Variants in ATP1A1 observed in about 807,000 individuals in gnomAD.
ATP1A1 encodes the protein ATPase Na+/K+ transporting subunit alpha 1, also known as sodium/potassium-transporting ATPase subunit alpha-1.
Under a neutral mutation model 114.8 loss-of-function variants are expected in ATP1A1, and 14 were observed. The observed-to-expected ratio is 0.12, with a 90% CI of 0.08 to 0.19. The LOEUF (loss-of-function observed/expected upper bound fraction) is 0.19. Among genes scored for constraint, ATP1A1 ranks in the 10% least tolerant of loss-of-function variants. ATP1A1 has a pLI of 1.00. For missense variants in ATP1A1, 524 were observed against 1,290.7 expected (o/e 0.41, Z 9.10); for synonymous variants, 471 against 466.3 (o/e 1.01, Z -0.13).
In ATP1A1 at chr1:116,385,129, T is replaced by C. The variant is rs1479732204; in HGVS notation, c.183+287T>C. The C allele has an allele frequency of 8.1e-6, 3 of 372,318 alleles. No individual in the cohort carries two copies. The highest frequency in any genetic ancestry group is 1.5e-5 in the Non-Finnish European group (3 of 204,982). The allele number at this position is 372,318 out of a possible 1,614,324, so 23.1% of individuals were successfully genotyped here. A position where few individuals can be genotyped will look rare whatever the true frequency, so the allele number is the denominator to read the frequency against. On this transcript the variant is annotated intron_variant, in intron 3 of 22. Coordinates refer to ENST00000295598, the MANE Select transcript of ATP1A1 (RefSeq NM_000701.8). The surrounding 1 kb of genome is among the most constrained non-coding windows in gnomAD (Gnocchi z 4.3). ...GCAGTTGGCTTCAAAGCCATGCTTA[T>C]GCCTTGACCTTTTGATGATAAATTT...
In ATP1A1 at chr1:116,399,385, T is replaced by A; in HGVS notation, c.2449-35T>A. 1 of 1,599,738 alleles carries A rather than the reference T, an allele frequency of 6.3e-7. No individual in the cohort carries two copies. The highest frequency in any genetic ancestry group is 1.1e-5 in the South Asian group (1 of 88,406). ...TTCACAATATTAGCTTCCTTATTTT[T>A]AGTAACTAAATTCCTTCTCCCCACC... On this transcript the variant is annotated intron_variant, in intron 17 of 22. Transcript: ENST00000295598. The surrounding 1 kb of genome is among the most constrained non-coding windows in gnomAD (Gnocchi z 5.0).
chr1:116,397,933 G>A lies in ATP1A1; in HGVS notation c.2019G>A (p.Met673Ile). Residue 673 changes from methionine to isoleucine, a missense_variant, in exon 15 of 23, where the codon ATG (methionine) becomes ATA (isoleucine). By Grantham distance (10) the Met-to-Ile change is conservative (BLOSUM62 1). Around this residue, in one of 8 missense-constraint regions of ATP1A1, gnomAD observed 47 missense variants for 79.8 expected, o/e 0.59. Transcript: ENST00000295598. This position sits in a 1 kb window ranked among gnomAD's most constrained non-coding sequence, Gnocchi z 4.2. Reference protein sequence around the residue: ...CVVHGSDLKDMTSEQLDDILK... With the variant: ...CVVHGSDLKDITSEQLDDILK... ...TACACGGCAGTGATCTAAAGGACAT[G>A]ACCTCCGAGCAGCTGGATGACATTT... is the stretch of plus-strand genomic sequence containing the variant. 6.2e-7 allele frequency: 1 copy of A among 1,612,690 alleles called. No individual in the cohort carries two copies. The highest frequency in any genetic ancestry group is 8.5e-7 in the Non-Finnish European group (1 of 1,179,758).
In ATP1A1 at chr1:116,388,629, T is replaced by G. The variant is rs1354608054; in HGVS notation, c.502-9T>G. On this transcript the variant is annotated splice_polypyrimidine_tract_variant and intron_variant, in intron 5 of 22. Transcript: ENST00000295598. The surrounding 1 kb of genome is among the most constrained non-coding windows in gnomAD (Gnocchi z 5.6). Reference sequence around the variant, plus strand: ...TATACTAACGGTGTAAATTGTTTCTTTTCCAAAGCAAGCCCTTGTGATTCG... The same window carrying G: ...TATACTAACGGTGTAAATTGTTTCTGTTCCAAAGCAAGCCCTTGTGATTCG... 6.2e-7 allele frequency: 1 copy of G among 1,613,652 alleles called. No individual in the cohort carries two copies. The highest frequency in any genetic ancestry group is 1.3e-5 in the African/African-American group (1 of 74,984).
intron 1 of ATP1A1, among the ~76,000 whole-genome samples, chr1:116,380,279 T>C (rs1055886891): frequency 1.3e-5 from 2 of 152,224 alleles, no homozygotes; most frequent in Non-Finnish European, 2.9e-5. Flanking sequence ...CTGGAGGGAA[T>C]GGTGGGTCTT....
At chr1:116,383,517 T>C (rs1651880680) in intron 1 of ATP1A1, 2 of 343,962 alleles carry the variant, frequency 5.8e-6, no homozygotes, top group South Asian at 2.2e-4. Context: ...GAAATTGAAA[T>C]GTAGAAGTTA....
chr1:116,398,112 CAACGGT>C lies in ATP1A1; in HGVS notation c.2124+75_2124+80del. On this transcript the variant is annotated intron_variant, in intron 15 of 22. Coordinates refer to ENST00000295598, the MANE Select transcript of ATP1A1 (RefSeq NM_000701.8). The surrounding 1 kb of genome is among the most constrained non-coding windows in gnomAD (Gnocchi z 6.1). ...GATTGGAGTTCCAGTGGAAACAGAG[CAACGGT>C]GATGGATGGATGCATACCTCGCTGT... 7 of 1,568,228 alleles carry C rather than the reference CAACGGT, an allele frequency of 4.5e-6. No homozygotes were observed. Among genetic ancestry groups the C allele is most frequent in the Non-Finnish European group, 6.1e-6 (7 of 1,151,152 alleles).
chr1:116,374,384 C>T, intron 1 of ATP1A1: 1 of 1,244,862 alleles, frequency 8.0e-7, no homozygotes, highest in Admixed American at 2.1e-5. Flanking sequence ...GGCAGACCCA[C>T]CAGGGCCTCA....
intron 1 of ATP1A1, chr1:116,373,904 T>C: frequency 7.7e-7 from 1 of 1,300,660 alleles, no homozygotes; most frequent in Non-Finnish European, 9.7e-7. Flanking sequence ...CCGGCATCCC[T>C]GAGCCTGGCT....
Position 116,389,572 on chromosome 1 carries a change from G to A in ATP1A1, c.888G>A (p.Thr296=), listed in dbSNP as rs1652306710. 1 of 1,614,152 alleles carries A rather than the reference G, an allele frequency of 6.2e-7. No individual in the cohort carries two copies. The part of the protein sequence containing the change: ...AEIEHFIHII[T]GVAVFLGVSF... ...TTGAACATTTTATCCACATCATCAC[G>A]GGTGTGGCTGTGTTCCTGGGTGTGT... is the stretch of plus-strand genomic sequence containing the variant. Residue 296 remains threonine (T), a synonymous_variant, in exon 8 of 23, where the codon ACG becomes ACA. Coordinates refer to ENST00000295598, the MANE Select transcript of ATP1A1 (RefSeq NM_000701.8). The surrounding 1 kb of genome is among the most constrained non-coding windows in gnomAD (Gnocchi z 6.9).
Position 116,389,734 on chromosome 1 carries a change from A to C in ATP1A1, c.1023+27A>C. On this transcript the variant is annotated intron_variant, in intron 8 of 22. Transcript: ENST00000295598. The surrounding 1 kb of genome is among the most constrained non-coding windows in gnomAD (Gnocchi z 6.9). ...TAAGAGGCAGGTGATGGTCACCCTG[A>C]CTCAGATCAGCTTGCACGAATGTTA... 1.9e-6 allele frequency: 3 copies of C among 1,612,770 alleles called. No individual in the cohort carries two copies. The highest frequency in any genetic ancestry group is 2.5e-6 in the Non-Finnish European group (3 of 1,178,994).
chr1:116,391,520 T>C (rs944094041), intron 10 of ATP1A1, among the ~76,000 whole-genome samples: 2 of 152,174 alleles, frequency 1.3e-5, no homozygotes, highest in Non-Finnish European at 2.9e-5. Flanking sequence ...TTGTACAAAG[T>C]CCTGTAGGAG....
intron 12 of ATP1A1, among the ~76,000 whole-genome samples, chr1:116,394,790 A>G (rs925286563): frequency 1.3e-5 from 2 of 152,180 alleles, no homozygotes; most frequent in Non-Finnish European, 2.9e-5. Flanking sequence ...TAATGTCATC[A>G]TCAGTGGGCA....
At position 116,404,401 on chromosome 1, in the gene ATP1A1, CT is replaced by C. The variant is rs1557797354; in HGVS notation, c.3044-12del. On this transcript the variant is annotated splice_polypyrimidine_tract_variant and intron_variant, in intron 22 of 22. Transcript: ENST00000295598. The surrounding 1 kb of genome is among the most constrained non-coding windows in gnomAD (Gnocchi z 4.8). ...TCACTGTAGTGTGTCTTGTCTGTCT[CT>C]TTGCCACCCACAGGCTGGGTGGAGA... The C allele has an allele frequency of 6.2e-7, 1 of 1,613,798 alleles. No individual in the cohort carries two copies. The highest frequency in any genetic ancestry group is 1.3e-5 in the African/African-American group (1 of 74,880).
At position 116,393,663 on chromosome 1, in the gene ATP1A1, C is replaced by T. The variant is rs1264926126; in HGVS notation, c.1600C>T (p.Leu534=). The part of the protein sequence containing the change: ...HGKEQPLDEE[L]KDAFQNAYLE... ...CAAGGAGCAGCCCCTGGATGAGGAG[C>T]TGAAAGACGCCTTTCAGAACGCCTA... The change falls in exon 12 of 23, where the codon CTG becomes TTG. Residue 534 remains leucine, a synonymous_variant. Transcript: ENST00000295598. This position sits in a 1 kb window ranked among gnomAD's most constrained non-coding sequence, Gnocchi z 5.0. 6 of 1,614,168 alleles carry T rather than the reference C, an allele frequency of 3.7e-6. No individual in the cohort carries two copies. The highest frequency in any genetic ancestry group is 4.2e-6 in the Non-Finnish European group (5 of 1,180,028).
At position 116,401,999 on chromosome 1, in the gene ATP1A1, G is replaced by A. The variant is rs532326553; in HGVS notation, c.2951+344G>A. 4.8e-5 allele frequency: 11 copies of A among 231,416 alleles called. No individual in the cohort carries two copies. In the South Asian group the frequency reaches 7.0e-4, roughly 15 times the overall value. 14.3% of individuals were successfully genotyped at this position (231,416 alleles called of 1,614,324 possible). A position where few individuals can be genotyped will look rare whatever the true frequency, so the allele number is the denominator to read the frequency against. On this transcript the variant is annotated intron_variant, in intron 21 of 22. Coordinates refer to ENST00000295598, the MANE Select transcript of ATP1A1 (RefSeq NM_000701.8). The surrounding 1 kb of genome is among the most constrained non-coding windows in gnomAD (Gnocchi z 4.7). ...AGGCCAACTGGGGGTATGCTGGAGC[G>A]TAGGCGCCCAGGCTCAAATCTTGAT... is the stretch of plus-strand genomic sequence containing the variant.
At chr1:116,403,216 G>A (rs1305224320) in intron 21 of ATP1A1, among the ~76,000 whole-genome samples, 1 of 152,122 alleles carries the variant, frequency 6.6e-6, no homozygotes, top group Non-Finnish European at 1.5e-5. Flanking sequence ...GGAAGAAGAG[G>A]AGACCACCGG....
rs1366938104 is a variant in ATP1A1, at chr1:116,381,916, C to T, written c.13-2098C>T. Among the ~76,000 whole-genome samples, 1 of 152,214 alleles carries T rather than the reference C, an allele frequency of 6.6e-6. No individual in the cohort carries two copies. Among genetic ancestry groups the T allele is most frequent in the Non-Finnish European group, 1.5e-5 (1 of 68,044 alleles). ...TACAGGCTGGGCACGGTGGCTCACG[C>T]CTGTAATCCCAGCACTTTGGGAGGC... is the stretch of plus-strand genomic sequence containing the variant. On this transcript the variant is annotated intron_variant, in intron 1 of 22. Transcript: ENST00000295598. This position sits in a 1 kb window ranked among gnomAD's most constrained non-coding sequence, Gnocchi z 5.1.
rs1479883375 is a variant in ATP1A1 at position 116,401,181 on chromosome 1, G to A, written c.2770G>A (p.Val924Ile). Residue 924 changes from valine (V) to isoleucine (I), a missense_variant, in exon 20 of 23, where the codon GTC becomes ATC. By Grantham distance (29) the Val-to-Ile change is conservative. This residue lies in a region of ATP1A1 where 84 missense variants were observed against 209.3 expected (regional missense o/e 0.40). Transcript: ENST00000295598. The surrounding 1 kb of genome is among the most constrained non-coding windows in gnomAD (Gnocchi z 4.7). ...VEFTCHTAFFVSIVVVQWADL... is the reference protein window; with the variant it reads ...VEFTCHTAFFISIVVVQWADL... Reference sequence around the variant, plus strand: ...GTTCACCTGCCACACAGCCTTCTTCGTCAGTATCGTGGTGGTGCAGTGGGC... The same window carrying A: ...GTTCACCTGCCACACAGCCTTCTTCATCAGTATCGTGGTGGTGCAGTGGGC... 4.3e-6 allele frequency: 7 copies of A among 1,614,090 alleles called. No individual in the cohort carries two copies. Among genetic ancestry groups the A allele is most frequent in the Non-Finnish European group, 5.9e-6 (7 of 1,180,046 alleles).
intron 1 of ATP1A1, among the ~76,000 whole-genome samples, chr1:116,375,240 G>T (rs544261675): frequency 7.3e-4 from 111 of 152,370 alleles, no homozygotes; most frequent in African/African-American, 2.6e-3. Context: ...CAAACGGTTG[G>T]CTAGTGACAG....
Sources: allele counts gnomAD v4.1 joint callset (sites outside exome capture counted in the v4.1 genomes callset), GRCh38; gene constraint gnomAD v4.1.1; regional missense constraint gnomAD v4.1.1; non-coding constraint Gnocchi (gnomAD v3.1); transcripts MANE v1.5; gene names NCBI Gene and HGNC (gene_info 2026-07-23, HGNC 2026-07-21).